Variants in TPO observed in about 807,000 individuals in gnomAD.
TPO encodes thyroid peroxidase.
TPO carries 78 observed loss-of-function variants against 96.9 expected under a neutral mutation model. The ratio of observed to expected loss-of-function variants is 0.81; its 90% CI spans 0.67 to 0.97. TPO has a LOEUF of 0.97. TPO is among the 50% of genes least tolerant of loss of function. The pLI is 0.00. For synonymous variants in TPO, 547 were observed against 538.0 expected (o/e 1.02, Z -0.23); for missense variants, 1,252 against 1,274.8 (o/e 0.98, Z 0.27).
upstream of TPO, among the ~76,000 whole-genome samples, chr2:1,413,090 C>T (rs1167160042): frequency 6.6e-6 from 1 of 152,076 alleles, no homozygotes; most frequent in Non-Finnish European, 1.5e-5. Context: ...CATCGGTGGG[C>T]CTGGGAGCTG....
intron 15 of TPO, 67 bp downstream of exon 15, chr2:1,517,049 C>T: frequency 6.6e-7 from 1 of 1,516,340 alleles, no homozygotes; most frequent in Non-Finnish European, 9.0e-7. Context: ...GACATGGCTG[C>T]AATGAAGCTG....
At chr2:1,467,015 A>G (rs1361387199) in intron 7 of TPO, among the ~76,000 whole-genome samples, 3 of 152,124 alleles carry the variant, frequency 2.0e-5, no homozygotes, top group South Asian at 2.1e-4. Flanking sequence ...TTATGTAGGC[A>G]TTTAGGGCTA....
At chr2:1,436,453 A>G in intron 5 of TPO, 69 bp downstream of exon 5, 1 of 1,607,612 alleles carries the variant, frequency 6.2e-7, no homozygotes, top group Non-Finnish European at 8.5e-7. Context: ...TGCCATCATG[A>G]AGGAACTTCT....
At chr2:1,439,148 C>G in intron 5 of TPO, 1 of 348,132 alleles carries the variant, frequency 2.9e-6, no homozygotes, top group South Asian at 5.2e-5. Context: ...AAAGGCCCTG[C>G]TGCTGTCTTG....
intron 7 of TPO, among the ~76,000 whole-genome samples, chr2:1,468,773 T>C (rs1669124758): frequency 1.3e-5 from 2 of 152,242 alleles, no homozygotes; most frequent in South Asian, 4.1e-4. Context: ...CCAGGGAGGT[T>C]TTCCTCGATT....
At chr2:1,534,418 ACCCTGTGCAGCCT>A (rs1679057695) in intron 15 of TPO, among the ~76,000 whole-genome samples, 1 of 30,166 alleles carries the variant, frequency 3.3e-5, no homozygotes, top group Non-Finnish European at 6.6e-5. Flanking sequence ...ATCCGCCCCC[ACCCTGTGCAGCCT>A]CACAAAATTA....
intron 7 of TPO, among the ~76,000 whole-genome samples, chr2:1,457,573 G>A (rs549149885): frequency 3.1e-4 from 47 of 149,584 alleles, no homozygotes; most frequent in African/African-American, 1.1e-3. Context: ...TACATAGCAT[G>A]TATGATACTG....
At chr2:1,531,331 C>T in intron 15 of TPO, among the ~76,000 whole-genome samples, 1 of 112,870 alleles carries the variant, frequency 8.9e-6, no homozygotes, top group East Asian at 2.3e-4. Context: ...TCAACCTCCC[C>T]AAATCCCTCC....
intron 7 of TPO, among the ~76,000 whole-genome samples, chr2:1,465,466 T>C (rs1668816390): frequency 6.6e-6 from 1 of 152,114 alleles, no homozygotes; most frequent in South Asian, 2.1e-4. Context: ...GGGAATTGTG[T>C]TGAATTTGTA....
chr2:1,408,455 C>G (rs2148385409), intron 1 of TPO, among the ~76,000 whole-genome samples: 1 of 152,156 alleles, frequency 6.6e-6, no homozygotes, highest in East Asian at 1.9e-4. Flanking sequence ...TGTGCGTGGG[C>G]TGCTGATGAA....
intron 15 of TPO, among the ~76,000 whole-genome samples, chr2:1,528,913 C>T (rs1677296782): frequency 6.8e-6 from 1 of 147,856 alleles, no homozygotes; most frequent in South Asian, 2.1e-4. Flanking sequence ...TCCTCACGTC[C>T]CCCACTGTGT....
At chr2:1,441,973 C>A (rs898890985) in intron 5 of TPO, among the ~76,000 whole-genome samples, 6 of 152,120 alleles carry the variant, frequency 3.9e-5, no homozygotes, top group Non-Finnish European at 7.3e-5. Context: ...ATCATGGGGG[C>A]AGGTCTTTCT....
At chr2:1,412,125 G>A (rs1284027959), upstream of TPO, among the ~76,000 whole-genome samples, 1 of 152,150 alleles carries the variant, frequency 6.6e-6, no homozygotes, top group African/African-American at 2.4e-5. Flanking sequence ...AGAGCTCACT[G>A]CCCGCCTGTG....
chr2:1,401,927 C>T (rs1662178622), intron 1 of TPO, among the ~76,000 whole-genome samples: 1 of 152,196 alleles, frequency 6.6e-6, no homozygotes, highest in African/African-American at 2.4e-5. Flanking sequence ...TGCCGCGAGC[C>T]AGCCATTTAC....
intron 7 of TPO, among the ~76,000 whole-genome samples, chr2:1,469,763 G>A (rs1215460914): frequency 6.6e-6 from 1 of 152,212 alleles, no homozygotes; most frequent in Non-Finnish European, 1.5e-5. Context: ...TGCATGTTCA[G>A]GGTGGACGAT....
upstream of TPO, among the ~76,000 whole-genome samples, chr2:1,409,789 T>TGC (rs1417270384): frequency 4.9e-3 from 499 of 102,448 alleles, 3 homozygotes; most frequent in Middle Eastern, 0.021. Context: ...CAAAAAACAG[T>TGC]GCGCGCACAC....
At chr2:1,514,948 G>C (rs774632669) in intron 14 of TPO, among the ~76,000 whole-genome samples, 1 of 152,160 alleles carries the variant, frequency 6.6e-6, no homozygotes, top group Non-Finnish European at 1.5e-5. Context: ...GGCCCAGGAC[G>C]TGGCTCCTCC....
intron 5 of TPO, among the ~76,000 whole-genome samples, chr2:1,439,866 T>C (rs1409294599): frequency 6.6e-6 from 1 of 152,172 alleles, no homozygotes; most frequent in African/African-American, 2.4e-5. Context: ...TCTGCACCTG[T>C]GCCCAAGAAC....
chr2:1,540,788 G>A (rs753228984), intron 16 of TPO, 65 bp downstream of exon 16: 43 of 1,612,374 alleles, frequency 2.7e-5, no homozygotes, highest in Non-Finnish European at 3.1e-5. Context: ...TCTGGGTGTC[G>A]GAGCAGCTCT....
Sources: gnomAD v4.1 joint callset for allele counts (sites outside exome capture counted in the v4.1 genomes callset) on GRCh38, gnomAD v4.1.1 for gene constraint, MANE v1.5 for transcripts, NCBI Gene and HGNC (gene_info 2026-07-23, HGNC 2026-07-21) for gene names.